TRIP12: variants seen among roughly 807,000 people sequenced by gnomAD.
TRIP12 encodes thyroid hormone receptor interactor 12, also known as E3 ubiquitin-protein ligase TRIP12.
In TRIP12, 25 loss-of-function variants were observed where a neutral mutation model predicts 244.2. That is an observed-to-expected ratio of 0.10 (90% CI 0.07 to 0.14). The LOEUF (loss-of-function observed/expected upper bound fraction) is 0.14. Among genes scored for constraint, TRIP12 ranks in the 10% least tolerant of loss-of-function variants. TRIP12 has a pLI of 1.00. For missense variants in TRIP12, 1,677 were observed against 2,486.4 expected (o/e 0.67, Z 6.92); for synonymous variants, 905 against 873.1 (o/e 1.04, Z -0.64).
intron 41 of TRIP12, among the ~76,000 whole-genome samples, 181 bp downstream of exon 41, chr2:229,768,435 T>C (rs949317361): frequency 6.6e-6 from 1 of 152,224 alleles, no homozygotes; most frequent in Non-Finnish European, 1.5e-5. Flanking sequence ...CCTACTTCAA[T>C]ATGTTTAAGA....
chr2:229,830,827 A>G lies in TRIP12; in HGVS notation c.1283T>C (p.Val428Ala), dbSNP rs1412113731. ...APQGAAASSS[V>A]AGAVGMTTSG... is the part of the protein sequence containing the mutation. Reference sequence around the variant, plus strand: ...GGTGGTCATGCCAACAGCCCCTGCAACAGAACTAGAGGCTTGGGGTGGAGG... The same window carrying G: ...GGTGGTCATGCCAACAGCCCCTGCAGCAGAACTAGAGGCTTGGGGTGGAGG... The change falls in exon 7 of 42, where the codon GTT becomes GCT. Residue 428 changes from valine (V) to alanine (A), a missense_variant. Val to Ala is a moderately conservative substitution (Grantham distance 64, BLOSUM62 0). Transcript: ENST00000675903. The G allele has an allele frequency of 1.2e-6, 2 of 1,614,018 alleles. No homozygotes were observed. Among genetic ancestry groups the G allele is most frequent in the East Asian group, 2.2e-5 (1 of 44,886 alleles).
intron 2 of TRIP12, among the ~76,000 whole-genome samples, chr2:229,877,611 AT>A (rs1464925797): frequency 6.6e-6 from 1 of 152,218 alleles, no homozygotes; most frequent in Non-Finnish European, 1.5e-5. Flanking sequence ...AACACTGTGG[AT>A]TTTAGAAGCA....
Position 229,813,854 on chromosome 2 carries a change from T to C in TRIP12, c.1986+16A>G, listed in dbSNP as rs766526211. 1.0e-5 allele frequency: 15 copies of C among 1,465,134 alleles called. No individual in the cohort carries two copies. The East Asian group carries it at 3.0e-4, about 29-fold the overall frequency. 90.8% of individuals were successfully genotyped at this position (1,465,134 alleles called of 1,614,324 possible). A position where few individuals can be genotyped will look rare whatever the true frequency, so the allele number is the denominator to read the frequency against. On this transcript the variant is annotated intron_variant, in intron 13 of 41. Transcript: ENST00000675903. ...ATAAAACACTTTATGGCACATAAAA[T>C]AGATGCATATTTTACCTGATGTGTT...
chr2:229,820,113 T>C (rs1025089421), intron 8 of TRIP12, among the ~76,000 whole-genome samples: 1 of 151,976 alleles, frequency 6.6e-6, no homozygotes, highest in Non-Finnish European at 1.5e-5. Flanking sequence ...GATAGAAAAA[T>C]AGTGAAAACA....
intron 2 of TRIP12, among the ~76,000 whole-genome samples, chr2:229,873,130 AAAC>A (rs775761989): frequency 6.6e-6 from 1 of 152,228 alleles, no homozygotes; most frequent in Non-Finnish European, 1.5e-5. Flanking sequence ...AACAGCAATA[AAAC>A]AAGAATAAGG....
intron 2 of TRIP12, among the ~76,000 whole-genome samples, chr2:229,864,817 T>C (rs1365176277): frequency 6.6e-6 from 1 of 152,140 alleles, no homozygotes; most frequent in African/African-American, 2.4e-5. Flanking sequence ...TTCAAGATCA[T>C]TATGTGCTTT....
At chr2:229,785,648 C>A in intron 34 of TRIP12, 109 bp downstream of exon 34, 2 of 981,206 alleles carry the variant, frequency 2.0e-6, no homozygotes, top group South Asian at 3.7e-5. Context: ...GAAAAGAGAG[C>A]AAAGTCTCCC....
Position 229,886,193 on chromosome 2 carries a change from T to C in TRIP12, c.-49-6065A>G, listed in dbSNP as rs188483316. Among the ~76,000 whole-genome samples the C allele has an allele frequency of 5.3e-4, 81 of 152,328 alleles. 1 individual carries two copies. The highest frequency in any genetic ancestry group is 3.4e-3 in the Middle Eastern group (1 of 294). ...TATTCGTAAGTCAAATGTCAAACTC[T>C]TAAGTAGCCATATGTCAAACCTGAA... On this transcript the variant is annotated intron_variant, in intron 1 of 41. Coordinates refer to ENST00000675903, the MANE Select transcript of TRIP12 (RefSeq NM_001348323.3).
At chr2:229,794,197 C>T (rs2042228271) in intron 26 of TRIP12, among the ~76,000 whole-genome samples, 1 of 152,090 alleles carries the variant, frequency 6.6e-6, no homozygotes, top group Admixed American at 6.6e-5. Flanking sequence ...GATGTGATTG[C>T]TTTATCACTC....
At chr2:229,776,745 CATT>C (rs1292833815) in intron 37 of TRIP12, among the ~76,000 whole-genome samples, 1 of 152,068 alleles carries the variant, frequency 6.6e-6, no homozygotes, top group Non-Finnish European at 1.5e-5. Flanking sequence ...GATACAGAAC[CATT>C]ATTAATCTCA....
chr2:229,872,338 C>A (rs2062806084), intron 2 of TRIP12, among the ~76,000 whole-genome samples: 1 of 151,986 alleles, frequency 6.6e-6, no homozygotes, highest in South Asian at 2.1e-4. Context: ...CCAAGAGGGG[C>A]AGATCACTTG....
intron 1 of TRIP12, among the ~76,000 whole-genome samples, chr2:229,919,873 G>A (rs1175350747): frequency 2.0e-5 from 3 of 152,218 alleles, no homozygotes; most frequent in African/African-American, 7.2e-5. Flanking sequence ...CACAAAGATA[G>A]TCACAGCAGT....
intron 8 of TRIP12, among the ~76,000 whole-genome samples, chr2:229,824,859 A>T (rs1485088689): frequency 6.6e-6 from 1 of 152,210 alleles, no homozygotes; most frequent in African/African-American, 2.4e-5. Flanking sequence ...GCAAAAGAAG[A>T]TAAGATTTTT....
At chr2:229,803,211 T>C (rs2154270041) in intron 20 of TRIP12, among the ~76,000 whole-genome samples, 2 of 152,370 alleles carry the variant, frequency 1.3e-5, no homozygotes, top group East Asian at 3.8e-4. Context: ...AATCCCACGC[T>C]GAGGCAGTAG....
chr2:229,776,713 A>T (rs1332363247), intron 37 of TRIP12, among the ~76,000 whole-genome samples: 1 of 152,196 alleles, frequency 6.6e-6, no homozygotes, highest in Non-Finnish European at 1.5e-5. Flanking sequence ...AAAAAATAGA[A>T]TCTTGTTTTC....
chr2:229,878,652 C>T (rs1269005318), intron 2 of TRIP12, among the ~76,000 whole-genome samples: 1 of 150,938 alleles, frequency 6.6e-6, no homozygotes, highest in South Asian at 2.1e-4. Context: ...CGTGATCTCG[C>T]TCACTGCAAG....
chr2:229,841,617 TCA>T (rs1246600366), intron 4 of TRIP12, among the ~76,000 whole-genome samples: 1 of 152,136 alleles, frequency 6.6e-6, no homozygotes, highest in African/African-American at 2.4e-5. Context: ...TGCCCAACCC[TCA>T]CAGTGTTACC....
chr2:229,858,355 T>C (rs984758105), intron 4 of TRIP12, among the ~76,000 whole-genome samples: 12 of 152,138 alleles, frequency 7.9e-5, no homozygotes, highest in Non-Finnish European at 1.8e-4. Flanking sequence ...AGAGTGAGAC[T>C]CCATCTAAAA....
chr2:229,881,177 G>C (rs1250764209), intron 1 of TRIP12, among the ~76,000 whole-genome samples: 1 of 152,174 alleles, frequency 6.6e-6, no homozygotes, highest in South Asian at 2.1e-4. Context: ...AATTGCGAAA[G>C]TATTTTTAGC....
Sources: allele counts gnomAD v4.1 joint callset (sites outside exome capture counted in the v4.1 genomes callset), GRCh38; gene constraint gnomAD v4.1.1; transcripts MANE v1.5; gene names NCBI Gene and HGNC (gene_info 2026-07-23, HGNC 2026-07-21).